RFX3: variants seen among roughly 807,000 people sequenced by gnomAD.
The protein encoded by RFX3 is regulatory factor X3.
Under a neutral mutation model 98.6 loss-of-function variants are expected in RFX3, and 14 were observed. That is an observed-to-expected ratio of 0.14 (90% CI 0.09 to 0.22). The LOEUF is 0.22. RFX3 is among the 10% of genes least tolerant of loss of function. RFX3 has a pLI of 1.00. For synonymous variants in RFX3, 383 were observed against 328.4 expected (o/e 1.17, Z -1.80); for missense variants, 639 against 926.9 (o/e 0.69, Z 4.03).
chr9:3,356,550 C>G (rs746856700), intron 2 of RFX3, among the ~76,000 whole-genome samples: 6 of 151,516 alleles, frequency 4.0e-5, no homozygotes, highest in Non-Finnish European at 7.4e-5. Context: ...GGAAACATGT[C>G]AAGAAGAAAA....
chr9:3,243,611 A>T (rs1820245279), intron 15 of RFX3, among the ~76,000 whole-genome samples: 1 of 152,222 alleles, frequency 6.6e-6, no homozygotes, highest in Non-Finnish European at 1.5e-5. Context: ...CTGCTCAAAT[A>T]ATGTAAGTAA....
intron 4 of RFX3, among the ~76,000 whole-genome samples, chr9:3,310,308 T>C (rs1829815168): frequency 6.6e-6 from 1 of 152,194 alleles, no homozygotes; most frequent in Non-Finnish European, 1.5e-5. Flanking sequence ...TACGGACAAT[T>C]AGAACTCTCT....
intron 2 of RFX3, 41 bp from the exon 3 acceptor site, chr9:3,346,805 G>T (rs2131162613): frequency 1.6e-6 from 2 of 1,226,180 alleles, no homozygotes; most frequent in South Asian, 1.2e-5. Context: ...AGGTAGGTAT[G>T]ATAGGAAGAA....
At chr9:3,465,860 G>A (rs1848166328) in intron 1 of RFX3, among the ~76,000 whole-genome samples, 1 of 152,030 alleles carries the variant, frequency 6.6e-6, no homozygotes, top group African/African-American at 2.4e-5. Context: ...AGGGGAACTT[G>A]ACTATTCCTA....
At chr9:3,359,393 C>T (rs924185133) in intron 2 of RFX3, among the ~76,000 whole-genome samples, 2 of 151,966 alleles carry the variant, frequency 1.3e-5, no homozygotes, top group Non-Finnish European at 2.9e-5. Context: ...TGAGGCTCTG[C>T]CTTTGTTATA....
At chr9:3,363,830 T>C (rs1263325081) in intron 2 of RFX3, among the ~76,000 whole-genome samples, 2 of 152,232 alleles carry the variant, frequency 1.3e-5, no homozygotes, top group Non-Finnish European at 2.9e-5. Context: ...ATATTGGTAG[T>C]ACAAAGGCAA....
chr9:3,332,586 C>T (rs1832715858), intron 3 of RFX3, among the ~76,000 whole-genome samples: 1 of 152,190 alleles, frequency 6.6e-6, no homozygotes. Context: ...GGAGAATTTT[C>T]TGTAACGCAG....
chr9:3,418,472 T>C (rs972368994), intron 1 of RFX3, among the ~76,000 whole-genome samples: 7 of 152,076 alleles, frequency 4.6e-5, no homozygotes, highest in Non-Finnish European at 7.4e-5. Flanking sequence ...CTCCAGCTCC[T>C]GGGTTCAAGC....
Position 3,270,363 on chromosome 9 carries a change from T to A in RFX3, c.1357+8A>T. The A allele has an allele frequency of 6.2e-7, 1 of 1,609,240 alleles. No homozygotes were observed. The highest frequency in any genetic ancestry group is 8.5e-7 in the Non-Finnish European group (1 of 1,178,376). ...AAAAGCATCCGTACTCGTCTGCATT[T>A]AACTTACTAGGAATAGGTCTAAGGA... On this transcript the variant is annotated splice_region_variant and intron_variant, in intron 11 of 16. Coordinates refer to ENST00000617270, the MANE Select transcript of RFX3 (RefSeq NM_001282116.2).
At chr9:3,452,148 C>T (rs904890301) in intron 1 of RFX3, among the ~76,000 whole-genome samples, 8 of 150,362 alleles carry the variant, frequency 5.3e-5, no homozygotes, top group South Asian at 2.1e-4. Flanking sequence ...GTAATGCTGA[C>T]GCCCTATCTG....
intron 1 of RFX3, among the ~76,000 whole-genome samples, chr9:3,482,495 T>C (rs1437837201): frequency 1.3e-5 from 2 of 152,244 alleles, no homozygotes; most frequent in Non-Finnish European, 2.9e-5. Context: ...ACTTTTATAA[T>C]TGCAATTTAA....
At chr9:3,410,369 A>C (rs1374224167) in intron 1 of RFX3, among the ~76,000 whole-genome samples, 1 of 152,116 alleles carries the variant, frequency 6.6e-6, no homozygotes, top group Admixed American at 6.6e-5. Flanking sequence ...TGAGTGTCTC[A>C]GGCTCAGAAT....
At chr9:3,407,301 C>T (rs1842053942) in intron 1 of RFX3, among the ~76,000 whole-genome samples, 1 of 152,098 alleles carries the variant, frequency 6.6e-6, no homozygotes, top group African/African-American at 2.4e-5. Context: ...AATTAGTTAA[C>T]ACATTTATGT....
intron 1 of RFX3, among the ~76,000 whole-genome samples, chr9:3,437,697 T>G (rs1330293680): frequency 6.6e-6 from 1 of 152,028 alleles, no homozygotes. Flanking sequence ...AGGTGCTGAT[T>G]TGCCGGTTTC....
At chr9:3,486,388 G>A (rs1850279021) in intron 1 of RFX3, among the ~76,000 whole-genome samples, 1 of 151,956 alleles carries the variant, frequency 6.6e-6, no homozygotes, top group South Asian at 2.1e-4. Flanking sequence ...TGGGAGTTTG[G>A]AACAAAGAGT....
intron 7 of RFX3, among the ~76,000 whole-genome samples, chr9:3,282,917 A>C (rs1030535816): frequency 6.6e-6 from 1 of 151,782 alleles, no homozygotes; most frequent in Non-Finnish European, 1.5e-5. Context: ...ATAATTGCCA[A>C]TGAGATCTTG....
intron 3 of RFX3, among the ~76,000 whole-genome samples, chr9:3,344,051 C>T (rs776592021): frequency 1.3e-5 from 2 of 152,160 alleles, no homozygotes; most frequent in Non-Finnish European, 2.9e-5. Context: ...ATTCATTCAA[C>T]TCATGTTTAC....
At chr9:3,330,151 C>CAAGAA in intron 4 of RFX3, 108 bp downstream of exon 4, 1 of 1,134,492 alleles carries the variant, frequency 8.8e-7, no homozygotes, top group South Asian at 1.5e-5. Flanking sequence ...CTATCCAACA[C>CAAGAA]ATTCTTGCCC....
intron 1 of RFX3, chr9:3,420,647 G>C (rs930017119): frequency 1.7e-5 from 5 of 291,136 alleles, no homozygotes; most frequent in Non-Finnish European, 2.6e-5. Flanking sequence ...CTGCATCACC[G>C]TATCCCACAT....
Sources: allele counts gnomAD v4.1 joint callset (sites outside exome capture counted in the v4.1 genomes callset), GRCh38; gene constraint gnomAD v4.1.1; transcripts MANE v1.5; gene names NCBI Gene and HGNC (gene_info 2026-07-23, HGNC 2026-07-21).